Variants in MMS22L observed in about 807,000 individuals in gnomAD.
MMS22L encodes MMS22 like, DNA repair protein.
MMS22L carries 74 observed loss-of-function variants against 159.1 expected under a neutral mutation model. The ratio of observed to expected loss-of-function variants is 0.47; its 90% CI spans 0.39 to 0.56. MMS22L has a LOEUF of 0.56. Ranked by LOEUF, MMS22L falls within the 20% of genes least tolerant of loss-of-function variation. MMS22L has a pLI of 0.00. For missense variants in MMS22L, 1,351 were observed against 1,422.1 expected (o/e 0.95, Z 0.80); for synonymous variants, 517 against 506.9 (o/e 1.02, Z -0.27).
At chr6:97,206,205 C>T (rs1391350892) in intron 14 of MMS22L, among the ~76,000 whole-genome samples, 1 of 152,100 alleles carries the variant, frequency 6.6e-6, no homozygotes, top group Non-Finnish European at 1.5e-5. Flanking sequence ...CACTGCTTAA[C>T]TGCAGAGGCA....
At chr6:97,241,694 T>TA (rs1320106949) in intron 11 of MMS22L, among the ~76,000 whole-genome samples, 1 of 152,202 alleles carries the variant, frequency 6.6e-6, no homozygotes, top group Admixed American at 6.5e-5. Context: ...AGTGTGACCT[T>TA]AGATTGTCTA....
intron 15 of MMS22L, among the ~76,000 whole-genome samples, chr6:97,184,055 G>A (rs1804980195): frequency 6.6e-6 from 1 of 151,986 alleles, no homozygotes; most frequent in South Asian, 2.1e-4. Flanking sequence ...TCAGGCCTTT[G>A]CCTCTCCACT....
At chr6:97,260,374 CCCTTAGTTGTTTTCAA>C (rs1160980353) in intron 9 of MMS22L, 5 of 152,076 alleles carry the variant, frequency 3.3e-5, no homozygotes, top group Non-Finnish European at 5.9e-5. Context: ...CATTTTTATT[CCCTTAGTTGTTTTCAA>C]CCTTTCTTCT....
At chr6:97,159,948 G>GTTTTTTTTTTTTTTT (rs368455553) in intron 22 of MMS22L, among the ~76,000 whole-genome samples, 4 of 97,170 alleles carry the variant, frequency 4.1e-5, no homozygotes, top group African/African-American at 7.9e-5. Flanking sequence ...TATCATTTCT[G>GTTTTTTTTTTTTTTT]TTTTTTTTTT....
At chr6:97,203,507 G>A (rs1055115664) in intron 14 of MMS22L, among the ~76,000 whole-genome samples, 3 of 152,104 alleles carry the variant, frequency 2.0e-5, no homozygotes, top group South Asian at 4.1e-4. Flanking sequence ...CCCTTAGGAC[G>A]TGCAAAGCCA....
chr6:97,201,345 C>T (rs1006719199), intron 14 of MMS22L, among the ~76,000 whole-genome samples: 3 of 152,054 alleles, frequency 2.0e-5, no homozygotes, highest in Admixed American at 6.6e-5. Flanking sequence ...CATGTGGTTA[C>T]GTTAGGCTTC....
At chr6:97,206,732 C>T in intron 14 of MMS22L, among the ~76,000 whole-genome samples, 1 of 152,166 alleles carries the variant, frequency 6.6e-6, no homozygotes. Context: ...ATTTTCAATA[C>T]CATCTAAACA....
chr6:97,240,127 A>T (rs904195174), intron 11 of MMS22L, among the ~76,000 whole-genome samples: 1 of 152,194 alleles, frequency 6.6e-6, no homozygotes, highest in African/African-American at 2.4e-5. Flanking sequence ...TGACAGTTCT[A>T]TCCAAATATA....
rs1816856567 is a variant in MMS22L at position 97,282,566 on chromosome 6, G to GT, written c.-76-14_-76-13insA. The GT allele has an allele frequency of 1.4e-5, 2 of 141,482 alleles. No individual in the cohort carries two copies. Among genetic ancestry groups the GT allele is most frequent in the African/African-American group, 3.0e-5 (1 of 33,652 alleles). 8.8% of individuals were successfully genotyped at this position (141,482 alleles called of 1,614,324 possible). Reference sequence around the variant, plus strand: ...TGTGAAGAGATTCCTGTTGGGGGGGGGGGGGTGGGGCCGAGAGAGTGGGGA... The same window carrying GT: ...TGTGAAGAGATTCCTGTTGGGGGGGGTGGGGGTGGGGCCGAGAGAGTGGGGA... On this transcript the variant is annotated splice_polypyrimidine_tract_variant and intron_variant, in intron 1 of 24. Transcript: ENST00000683635.
chr6:97,249,389 G>C (rs1399284067), intron 10 of MMS22L, among the ~76,000 whole-genome samples: 1 of 152,142 alleles, frequency 6.6e-6, no homozygotes, highest in Non-Finnish European at 1.5e-5. Context: ...TGAGTTCTGT[G>C]AGTCCTAACA....
chr6:97,181,346 A>G (rs997243495), intron 16 of MMS22L, among the ~76,000 whole-genome samples: 3 of 152,028 alleles, frequency 2.0e-5, no homozygotes, highest in African/African-American at 7.2e-5. Context: ...AACTTTATTC[A>G]TTCTATTTTT....
chr6:97,173,298 C>T (rs1367833426), intron 18 of MMS22L, 76 bp from the exon 19 acceptor site: 1 of 1,436,992 alleles, frequency 7.0e-7, no homozygotes, highest in Non-Finnish European at 9.6e-7. Flanking sequence ...GATAATTTTT[C>T]TCTCTTTTTC....
At chr6:97,263,692 G>A in intron 8 of MMS22L, 2 of 283,510 alleles carry the variant, frequency 7.1e-6, no homozygotes, top group Non-Finnish European at 1.3e-5. Context: ...CTAGTGCCGT[G>A]GTCAGCAAAC....
intron 14 of MMS22L, among the ~76,000 whole-genome samples, chr6:97,208,530 T>C (rs1326604728): frequency 2.6e-5 from 4 of 152,056 alleles, no homozygotes; most frequent in Non-Finnish European, 1.5e-5. Flanking sequence ...AGGACAACAC[T>C]TGCCTCTTGG....
intron 14 of MMS22L, among the ~76,000 whole-genome samples, chr6:97,219,982 C>T (rs1401219586): frequency 1.3e-5 from 2 of 152,174 alleles, no homozygotes; most frequent in Non-Finnish European, 2.9e-5. Context: ...ATTACCAACA[C>T]TGACCACTTC....
intron 20 of MMS22L, among the ~76,000 whole-genome samples, 195 bp downstream of exon 20, chr6:97,167,876 T>A (rs945760257): frequency 6.6e-6 from 1 of 152,174 alleles, no homozygotes. Flanking sequence ...CTCTCAACTT[T>A]AAGCTCCTCT....
At chr6:97,212,845 A>G (rs1035157271) in intron 14 of MMS22L, among the ~76,000 whole-genome samples, 1 of 152,232 alleles carries the variant, frequency 6.6e-6, no homozygotes, top group African/African-American at 2.4e-5. Context: ...AATGACCCAC[A>G]AAATTGAAAT....
intron 6 of MMS22L, chr6:97,270,770 T>A (rs1008022085): frequency 6.6e-6 from 1 of 151,968 alleles, no homozygotes; most frequent in Non-Finnish European, 1.5e-5. Flanking sequence ...AGAAATAAAT[T>A]TATGTGGCAT....
chr6:97,199,390 T>A (rs1293037960), intron 14 of MMS22L, among the ~76,000 whole-genome samples: 1 of 152,146 alleles, frequency 6.6e-6, no homozygotes, highest in East Asian at 1.9e-4. Flanking sequence ...AAATTTGCTT[T>A]ATAATTTACC....
Sources: allele counts gnomAD v4.1 joint callset (sites outside exome capture counted in the v4.1 genomes callset), GRCh38; gene constraint gnomAD v4.1.1; transcripts MANE v1.5; gene names NCBI Gene and HGNC (gene_info 2026-07-23, HGNC 2026-07-21).